DCAF8L2: variants seen among roughly 807,000 people sequenced by gnomAD.
The protein encoded by DCAF8L2 is DDB1 and CUL4 associated factor 8 like 2, also known as DDB1- and CUL4-associated factor 8-like protein 2.
For missense variants in DCAF8L2, 430 were observed against 490.7 expected, an observed-to-expected ratio of 0.88 and a Z score of 1.17; for synonymous variants, 200 against 190.9, an observed-to-expected ratio of 1.05 and a Z score of -0.39.
At chrX:27,523,464 T>C in the DCAF8L2 span, among the ~76,000 whole-genome samples, 4 of 108,647 alleles carry the variant, frequency 3.7e-5, no homozygotes, top group Non-Finnish European at 7.7e-5. Context: ...ATGGGTTAAT[T>C]ATCCAAAGGC....
At chrX:27,513,214 A>C in the DCAF8L2 span, among the ~76,000 whole-genome samples, 1 of 112,195 alleles carries the variant, frequency 8.9e-6, no homozygotes, top group South Asian at 3.7e-4. Flanking sequence ...CCTCAAAAGC[A>C]CAGGCACCTA....
the DCAF8L2 span, among the ~76,000 whole-genome samples, chrX:27,535,487 A>G: frequency 2.7e-5 from 3 of 111,953 alleles, no homozygotes; most frequent in Non-Finnish European, 5.6e-5. Flanking sequence ...CCTGATTAAG[A>G]TTCTTCAGTA....
chrX:27,478,323 C>T, the DCAF8L2 span, among the ~76,000 whole-genome samples: 1 of 112,074 alleles, frequency 8.9e-6, no homozygotes, highest in Non-Finnish European at 1.9e-5. Flanking sequence ...TAGATTTATA[C>T]ATAAAAGGTG....
At chrX:27,730,926 T>A (rs1272645252) in intron 4 of DCAF8L2, among the ~76,000 whole-genome samples, 5 of 111,221 alleles carry the variant, frequency 4.5e-5, no homozygotes, top group Non-Finnish European at 9.4e-5. Context: ...GCTCCCAATT[T>A]CGTATCACAG....
the DCAF8L2 span, among the ~76,000 whole-genome samples, chrX:27,579,644 ACACACAC>A: frequency 9.2e-6 from 1 of 109,276 alleles, no homozygotes; most frequent in Admixed American, 9.9e-5. Flanking sequence ...ACACACACAC[ACACACAC>A]ACACACACAC....
At chrX:27,601,699 C>CAA (rs1229841988) in intron 1 of DCAF8L2, among the ~76,000 whole-genome samples, 2 of 55,831 alleles carry the variant, frequency 3.6e-5, no homozygotes. Context: ...GACTCAGTCT[C>CAA]AAAAAAAAAA....
chrX:27,628,763 C>T (rs986169256), intron 1 of DCAF8L2, among the ~76,000 whole-genome samples: 26 of 110,612 alleles, frequency 2.4e-4, no homozygotes, highest in Non-Finnish European at 4.2e-4. Flanking sequence ...GCCACCACGC[C>T]CGGCTAATTT....
chrX:27,543,403 A>T, the DCAF8L2 span, among the ~76,000 whole-genome samples: 1 of 111,670 alleles, frequency 9.0e-6, no homozygotes, highest in African/African-American at 3.3e-5. Context: ...ATATAGTTTG[A>T]AGTTGGGTAG....
At chrX:27,534,675 A>G in the DCAF8L2 span, among the ~76,000 whole-genome samples, 1 of 112,210 alleles carries the variant, frequency 8.9e-6, no homozygotes, top group African/African-American at 3.2e-5. Flanking sequence ...TATTAGAAGC[A>G]CTTCTTCAGG....
chrX:27,596,757 T>A (rs1926376978), intron 1 of DCAF8L2, among the ~76,000 whole-genome samples: 1 of 105,172 alleles, frequency 9.5e-6, no homozygotes, highest in Non-Finnish European at 1.9e-5. Context: ...AAAAATTAAA[T>A]ATTCAAGTTA....
chrX:27,606,382 T>TATATATATATATA (rs1358332870), intron 1 of DCAF8L2, among the ~76,000 whole-genome samples: 7 of 81,093 alleles, frequency 8.6e-5, no homozygotes, highest in African/African-American at 2.0e-4. Context: ...TATATATATA[T>TATATATATATATA]TCTTTTGAGA....
chrX:27,666,017 A>G (rs894098944), intron 2 of DCAF8L2, among the ~76,000 whole-genome samples: 1 of 111,554 alleles, frequency 9.0e-6, no homozygotes, highest in Non-Finnish European at 1.9e-5. Flanking sequence ...ATACCTGTAT[A>G]TGTACTATTA....
At chrX:27,668,407 A>G (rs1219019906) in intron 2 of DCAF8L2, among the ~76,000 whole-genome samples, 1 of 111,515 alleles carries the variant, frequency 9.0e-6, no homozygotes, top group Admixed American at 9.6e-5. Context: ...ATGGGAAAGA[A>G]ATAGGAAAGA....
chrX:27,725,143 G>A (rs1188393121), intron 4 of DCAF8L2, among the ~76,000 whole-genome samples: 3 of 110,382 alleles, frequency 2.7e-5, no homozygotes, highest in Non-Finnish European at 3.8e-5. Context: ...CTAATTGCAA[G>A]ACAGAAAGAC....
At chrX:27,588,330 T>C (rs772599200), upstream of DCAF8L2, among the ~76,000 whole-genome samples, 4 of 110,705 alleles carry the variant, frequency 3.6e-5, no homozygotes, top group African/African-American at 1.3e-4. Flanking sequence ...GGACACGATT[T>C]CTATCTTTTT....
At chrX:27,708,330 T>C in intron 3 of DCAF8L2, among the ~76,000 whole-genome samples, 1 of 112,010 alleles carries the variant, frequency 8.9e-6, no homozygotes, top group East Asian at 2.8e-4. Context: ...CATGATTTCA[T>C]TCTTCTTAAT....
chrX:27,641,801 C>G (rs1474549628), intron 2 of DCAF8L2, among the ~76,000 whole-genome samples: 1 of 110,372 alleles, frequency 9.1e-6, no homozygotes, highest in African/African-American at 3.3e-5. Context: ...CTTTGTTTTA[C>G]TCTGCATAAC....
chrX:27,744,539 T>C (rs773989656), intron 4 of DCAF8L2, among the ~76,000 whole-genome samples: 1 of 111,492 alleles, frequency 9.0e-6, no homozygotes, highest in Non-Finnish European at 1.9e-5. Flanking sequence ...ATATCCCACA[T>C]TAGTTGGTGG....
chrX:27,589,701 A>T (rs912924448), upstream of DCAF8L2, among the ~76,000 whole-genome samples: 20 of 112,372 alleles, frequency 1.8e-4, no homozygotes, highest in African/African-American at 5.8e-4. Context: ...CAAAAAACTA[A>T]ACTTGGCTCT....
Sources: allele counts gnomAD v4.1 joint callset (sites outside exome capture counted in the v4.1 genomes callset), GRCh38; gene constraint gnomAD v4.1.1; transcripts MANE v1.5; gene names NCBI Gene and HGNC (gene_info 2026-07-23, HGNC 2026-07-21).